ERICH6B: variants seen among roughly 807,000 people sequenced by gnomAD.
The protein encoded by ERICH6B is glutamate-rich protein 6B.
Under a neutral mutation model 80.0 loss-of-function variants are expected in ERICH6B, and 69 were observed. That is an observed-to-expected ratio of 0.86 (90% confidence interval 0.71 to 1.05). ERICH6B has a LOEUF of 1.05. Ranked by LOEUF, ERICH6B falls within the 50% of genes least tolerant of loss-of-function variation. The pLI is 0.00. For missense variants in ERICH6B, 754 were observed against 796.1 expected, an observed-to-expected ratio of 0.95 and a Z score of 0.64; for synonymous variants, 283 against 291.9, an observed-to-expected ratio of 0.97 and a Z score of 0.31.
chr13:45,544,782 AAAC>A lies in ERICH6B; in HGVS notation c.1847_1849del (p.Cys616del). 2 of 1,551,674 alleles carry A rather than the reference AAAC, an allele frequency of 1.3e-6. No homozygotes were observed. Among genetic ancestry groups the A allele is most frequent in the East Asian group, 4.9e-5 (2 of 40,900 alleles). ...TACCTTGTACCTGGTGCCCAGGTTTAAACAAATCTGCTTCTGTTCATAGGTGAA... is the reference window on the plus strand; with the variant it reads ...TACCTTGTACCTGGTGCCCAGGTTTAAAATCTGCTTCTGTTCATAGGTGAA... On this transcript the variant is annotated inframe_deletion, in exon 14 of 15. Transcript: ENST00000298738.
chr13:45,577,276 C>CTTTTTTTTTTTTTTTTTTT (rs34244794), intron 7 of ERICH6B, among the ~76,000 whole-genome samples: 3 of 86,090 alleles, frequency 3.5e-5, no homozygotes, highest in Non-Finnish European at 5.0e-5. Context: ...AAAAACAAAT[C>CTTTTTTTTTTTTTTTTTTT]TTTTTTTTTT....
chr13:45,609,110 A>G (rs1388638519), intron 1 of ERICH6B, among the ~76,000 whole-genome samples: 3 of 152,158 alleles, frequency 2.0e-5, no homozygotes, highest in African/African-American at 7.2e-5. Flanking sequence ...CTTGCTTTCC[A>G]ATAATCCATT....
At chr13:45,554,092 C>T (rs897340332) in intron 11 of ERICH6B, among the ~76,000 whole-genome samples, 1 of 152,158 alleles carries the variant, frequency 6.6e-6, no homozygotes, top group Non-Finnish European at 1.5e-5. Context: ...CTTATTCCTC[C>T]TGTCTAGCGG....
intron 2 of ERICH6B, among the ~76,000 whole-genome samples, chr13:45,606,547 A>ATATTTT (rs1949866973): frequency 6.0e-5 from 1 of 16,618 alleles, no homozygotes; most frequent in African/African-American, 1.8e-4. Flanking sequence ...ATATATATAT[A>ATATTTT]TTTTTTTTTT....
chr13:45,581,250 C>T (rs914977189), intron 5 of ERICH6B, among the ~76,000 whole-genome samples: 4 of 152,018 alleles, frequency 2.6e-5, no homozygotes, highest in Non-Finnish European at 5.9e-5. Flanking sequence ...TCTTCTGGAA[C>T]TTTATGATCC....
intron 11 of ERICH6B, 29 bp downstream of exon 11, chr13:45,561,340 A>T (rs1354251617): frequency 6.5e-7 from 1 of 1,541,692 alleles, no homozygotes. Flanking sequence ...TGTGCAAAGT[A>T]AAAAACAGCA....
At chr13:45,588,180 G>A (rs1566300297) in intron 4 of ERICH6B, among the ~76,000 whole-genome samples, 1 of 152,196 alleles carries the variant, frequency 6.6e-6, no homozygotes, top group African/African-American at 2.4e-5. Context: ...TAAGGGCTCA[G>A]GCAAAGAGGT....
chr13:45,551,298 C>T (rs1874212549), intron 11 of ERICH6B, among the ~76,000 whole-genome samples: 2 of 152,132 alleles, frequency 1.3e-5, no homozygotes, highest in Non-Finnish European at 2.9e-5. Flanking sequence ...TCAATTTCTG[C>T]TTATATCATT....
intron 9 of ERICH6B, among the ~76,000 whole-genome samples, chr13:45,565,135 T>G (rs1009969716): frequency 6.6e-6 from 1 of 151,598 alleles, no homozygotes. Context: ...TATTTGGTGT[T>G]TTTTTTTTGC....
intron 13 of ERICH6B, among the ~76,000 whole-genome samples, chr13:45,546,501 A>C (rs1873996094): frequency 1.3e-5 from 2 of 152,124 alleles, no homozygotes; most frequent in African/African-American, 4.8e-5. Flanking sequence ...CTTTGAAAAC[A>C]ACCCTTGATA....
At position 45,596,501 on chromosome 13, in the gene ERICH6B, ACTC is replaced by A. The variant is rs780194094; in HGVS notation, c.502_504del (p.Glu168del). 3.9e-6 allele frequency: 6 copies of A among 1,548,964 alleles called. No individual in the cohort carries two copies. The highest frequency in any genetic ancestry group is 2.8e-5 in the African/African-American group (2 of 72,168). On this transcript the variant is annotated inframe_deletion, in exon 3 of 15. Coordinates refer to ENST00000298738, the MANE Select transcript of ERICH6B (RefSeq NM_182542.3). ...TCTAGATATGATTTCTTCCCCAGAT[ACTC>A]CTCCTCCTCCAGATACGCTTTCTTC...
At chr13:45,592,882 C>G (rs1318616681) in intron 3 of ERICH6B, among the ~76,000 whole-genome samples, 1 of 152,164 alleles carries the variant, frequency 6.6e-6, no homozygotes, top group African/African-American at 2.4e-5. Flanking sequence ...AGGTATGTTA[C>G]TTCATTTACT....
Position 45,563,767 on chromosome 13 carries a change from C to A in ERICH6B, c.1209G>T (p.Lys403Asn). The A allele has an allele frequency of 6.4e-7, 1 of 1,552,284 alleles. No homozygotes were observed. The highest frequency in any genetic ancestry group is 1.2e-5 in the South Asian group (1 of 84,066). Residue 403 changes from lysine (K) to asparagine (N), a missense_variant, in exon 10 of 15, where the codon AAG becomes AAT. Lys to Asn is a moderately conservative substitution (Grantham distance 94, BLOSUM62 0). Coordinates refer to ENST00000298738, the MANE Select transcript of ERICH6B (RefSeq NM_182542.3). Reference protein sequence around the residue: ...LVIMLKKNYEKFKETILRIKR... With the variant: ...LVIMLKKNYENFKETILRIKR... Reference sequence around the variant, plus strand: ...TAATCCGTAAGATTGTTTCCTTGAACTTTTCATAATTTTTCTTCAGCCTAA... The same window carrying A: ...TAATCCGTAAGATTGTTTCCTTGAAATTTTCATAATTTTTCTTCAGCCTAA...
At chr13:45,560,391 C>T (rs1325389683) in intron 11 of ERICH6B, among the ~76,000 whole-genome samples, 1 of 152,162 alleles carries the variant, frequency 6.6e-6, no homozygotes, top group Non-Finnish European at 1.5e-5. Flanking sequence ...TATGCACAGC[C>T]TCCCCAACCA....
intron 11 of ERICH6B, among the ~76,000 whole-genome samples, chr13:45,559,869 C>T (rs963323138): frequency 1.3e-5 from 2 of 152,164 alleles, no homozygotes; most frequent in African/African-American, 4.8e-5. Context: ...GTATATTCTG[C>T]AGTGTTGGGT....
intron 5 of ERICH6B, among the ~76,000 whole-genome samples, chr13:45,581,714 A>T (rs561892299): frequency 4.1e-4 from 63 of 152,328 alleles, no homozygotes; most frequent in African/African-American, 1.4e-3. Context: ...TAGGCCCATG[A>T]TGAAAAAGCC....
chr13:45,565,447 C>T lies in ERICH6B; in HGVS notation c.1188-1659G>A, dbSNP rs190494480. ...GGCTTCCATTCTGAGAGCATGCCTG[C>T]ACCACAGGCTGGGTGTATGTATGAT... On this transcript the variant is annotated intron_variant, in intron 9 of 14. Coordinates refer to ENST00000298738, the MANE Select transcript of ERICH6B (RefSeq NM_182542.3). Among the ~76,000 whole-genome samples the T allele has an allele frequency of 1.9e-3, 289 of 152,290 alleles. 2 individuals are homozygous for T. The highest frequency in any genetic ancestry group is 2.8e-3 in the Non-Finnish European group (193 of 68,030).
intron 14 of ERICH6B, among the ~76,000 whole-genome samples, chr13:45,544,368 A>G (rs1438505981): frequency 1.3e-5 from 2 of 152,098 alleles, no homozygotes; most frequent in African/African-American, 4.8e-5. Flanking sequence ...AGCCACCGCA[A>G]CTGGCCTACA....
chr13:45,603,661 C>T (rs77919424), intron 2 of ERICH6B, among the ~76,000 whole-genome samples: 2 of 152,134 alleles, frequency 1.3e-5, no homozygotes, highest in African/African-American at 4.8e-5. Flanking sequence ...CTCCCTCTGT[C>T]ACCCCCTTTC....
Sources: allele counts gnomAD v4.1 joint callset (sites outside exome capture counted in the v4.1 genomes callset), GRCh38; gene constraint gnomAD v4.1.1; transcripts MANE v1.5; gene names NCBI Gene and HGNC (gene_info 2026-07-23, HGNC 2026-07-21).